CCM2L: variants seen among roughly 807,000 people sequenced by gnomAD.
CCM2L encodes CCM2 like scaffold protein, also known as cerebral cavernous malformations 2 protein-like.
In CCM2L, 36 loss-of-function variants were observed where a neutral mutation model predicts 54.1. That is an observed-to-expected ratio of 0.67 (90% CI 0.51 to 0.88). The LOEUF (loss-of-function observed/expected upper bound fraction) is 0.88. Among genes scored for constraint, CCM2L ranks in the 40% least tolerant of loss-of-function variants. CCM2L has a pLI of 0.00. For missense variants in CCM2L, 700 were observed against 812.1 expected, an observed-to-expected ratio of 0.86 and a Z score of 1.68; for synonymous variants, 351 against 359.3, an observed-to-expected ratio of 0.98 and a Z score of 0.26.
At position 32,031,007 on chromosome 20, in the gene CCM2L, G is replaced by T; in HGVS notation, c.1409G>T (p.Arg470Leu). The T allele has an allele frequency of 7.7e-7, 1 of 1,304,078 alleles. No homozygotes were observed. Among genetic ancestry groups the T allele is most frequent in the Non-Finnish European group, 1.0e-6 (1 of 988,902 alleles). The allele number at this position is 1,304,078 out of a possible 1,614,324, so 80.8% of individuals were successfully genotyped here. ...CATGCCCCTCGGCTCGCAGGGATGCGGCCCTTCATCCCGGACCAGGACATC... is the reference window on the plus strand; with the variant it reads ...CATGCCCCTCGGCTCGCAGGGATGCTGCCCTTCATCCCGGACCAGGACATC... ...DRRKFLLLGM[R>L]PFIPDQDIGY... is the part of the protein sequence containing the mutation. Residue 470 changes from arginine (R) to leucine (L), a missense_variant, in exon 10 of 10, where the codon CGG (arginine) becomes CTG (leucine). Physicochemically the swap from Arg to Leu is moderately radical, Grantham distance 102. Coordinates refer to ENST00000452892, the MANE Select transcript of CCM2L (RefSeq NM_001365692.1).
rs2064682442 is a variant in CCM2L at position 32,010,498 on chromosome 20, T to G, written c.30+14T>G. 8.5e-7 allele frequency: 1 copy of G among 1,170,832 alleles called. No individual in the cohort carries two copies. Among genetic ancestry groups the G allele is most frequent in the African/African-American group, 2.7e-5 (1 of 37,046 alleles). The allele number at this position is 1,170,832 out of a possible 1,614,324, so 72.5% of individuals were successfully genotyped here. A position where few individuals can be genotyped will look rare whatever the true frequency, so the allele number is the denominator to read the frequency against. On this transcript the variant is annotated intron_variant, in intron 1 of 9. Coordinates refer to ENST00000452892, the MANE Select transcript of CCM2L (RefSeq NM_001365692.1). ...AAAGGGAAGAAGGTAGGTGGGAGGT[T>G]GGGAGGGACGAAGGGAGAGGAATGT... is the stretch of plus-strand genomic sequence containing the variant.
At position 32,029,129 on chromosome 20, in the gene CCM2L, G is replaced by C. The variant is rs1433269429; in HGVS notation, c.1263+5G>C. 1 of 1,614,198 alleles carries C rather than the reference G, an allele frequency of 6.2e-7. No individual in the cohort carries two copies. The highest frequency in any genetic ancestry group is 1.1e-5 in the South Asian group (1 of 91,088). On this transcript the variant is annotated splice_donor_5th_base_variant and intron_variant, in intron 8 of 9. Coordinates refer to ENST00000452892, the MANE Select transcript of CCM2L (RefSeq NM_001365692.1). The stretch of plus-strand genomic sequence containing the variant: ...TTACAGGATTACATGGTCACGGTGA[G>C]CTGGGGCCGGTGGTGGGAATGGCAC...
At chr20:32,025,056 C>CT (rs764239452) in intron 6 of CCM2L, among the ~76,000 whole-genome samples, 90 of 150,946 alleles carry the variant, frequency 6.0e-4, no homozygotes, top group African/African-American at 8.3e-4. Flanking sequence ...TCTCTTTCTT[C>CT]TTCTTTCTTT....
rs1273693919 is a variant in CCM2L at position 32,031,226 on chromosome 20, C to T, written c.1628C>T (p.Ala543Val). Residue 543 changes from alanine (A) to valine (V), a missense_variant, in exon 10 of 10, where the codon GCG becomes GTG. Ala to Val is a moderately conservative substitution (Grantham distance 64, BLOSUM62 0). Coordinates refer to ENST00000452892, the MANE Select transcript of CCM2L (RefSeq NM_001365692.1). ...GCTGACATCACGCACGACATCGAGG[C>T]GCTGGCCCCCGATGACGACGACGAC... The part of the protein sequence containing the change: ...LLADITHDIE[A>V]LAPDDDDDDE... 4.5e-5 allele frequency: 58 copies of T among 1,299,826 alleles called. No homozygotes were observed. Among genetic ancestry groups the T allele is most frequent in the Non-Finnish European group, 5.7e-5 (56 of 988,538 alleles). 80.5% of individuals were successfully genotyped at this position (1,299,826 alleles called of 1,614,324 possible). A position where few individuals can be genotyped will look rare whatever the true frequency, so the allele number is the denominator to read the frequency against.
In CCM2L at chr20:32,017,852, A is replaced by T. The variant is rs1177357774; in HGVS notation, c.251A>T (p.Asp84Val). Reference sequence around the variant, plus strand: ...TCCTCACTGAACCCCTCCAGTCGGGACGAGCTCCTGCAGCTGCTAGACACC... The same window carrying T: ...TCCTCACTGAACCCCTCCAGTCGGGTCGAGCTCCTGCAGCTGCTAGACACC... ...VTSSLNPSSR[D>V]ELLQLLDTAR... is the part of the protein sequence containing the mutation. Residue 84 changes from aspartate to valine, a missense_variant, in exon 3 of 10, where the codon GAC becomes GTC. Coordinates refer to ENST00000452892, the MANE Select transcript of CCM2L (RefSeq NM_001365692.1). The T allele has an allele frequency of 6.2e-7, 1 of 1,613,916 alleles. No homozygotes were observed. The highest frequency in any genetic ancestry group is 2.2e-5 in the East Asian group (1 of 44,834).
In CCM2L at chr20:32,018,973, T is replaced by C; in HGVS notation, c.497T>C (p.Val166Ala). ...GGTGTGGACCCGGTGCCGGCCGGCGTGGATGCCAGCCCAGGCGGCGCAGGA... is the reference window on the plus strand; with the variant it reads ...GGTGTGGACCCGGTGCCGGCCGGCGCGGATGCCAGCCCAGGCGGCGCAGGA... ...GLGVDPVPAGVDASPGGAGRD... is the reference protein window; with the variant it reads ...GLGVDPVPAGADASPGGAGRD... Residue 166 changes from valine to alanine, a missense_variant, in exon 5 of 10, where the codon GTG (valine) becomes GCG (alanine). Coordinates refer to ENST00000452892, the MANE Select transcript of CCM2L (RefSeq NM_001365692.1). 7.1e-7 allele frequency: 1 copy of C among 1,403,394 alleles called. No individual in the cohort carries two copies. The highest frequency in any genetic ancestry group is 1.5e-5 in the South Asian group (1 of 66,602). 86.9% of individuals were successfully genotyped at this position (1,403,394 alleles called of 1,614,324 possible). A position where few individuals can be genotyped will look rare whatever the true frequency, so the allele number is the denominator to read the frequency against.
In CCM2L at chr20:32,018,077, G is replaced by A. The variant is rs1212033204; in HGVS notation, c.381G>A (p.Glu127=). The A allele has an allele frequency of 2.7e-5, 44 of 1,613,362 alleles. No homozygotes were observed. The highest frequency in any genetic ancestry group is 3.7e-5 in the Non-Finnish European group (44 of 1,179,948). ...TGCTCACCTGGCGCGACAATGAAGA[G>A]CTCATTCTGCGAATCCCTACGCACG... ...CLLLTWRDNE[E]LILRIPTHEI... The change falls in exon 4 of 10, where the codon GAG becomes GAA. Residue 127 remains glutamate (E), a synonymous_variant. Coordinates refer to ENST00000452892, the MANE Select transcript of CCM2L (RefSeq NM_001365692.1).
intron 7 of CCM2L, chr20:32,027,795 T>C (rs1254299802): frequency 6.6e-6 from 1 of 152,218 alleles, no homozygotes; most frequent in Non-Finnish European, 1.5e-5. Flanking sequence ...GAGTACCTCC[T>C]ATGTGCCAGG....
rs376213814 is a variant in CCM2L at position 32,020,643 on chromosome 20, C to T, written c.933+1234C>T. On this transcript the variant is annotated intron_variant, in intron 5 of 9. Coordinates refer to ENST00000452892, the MANE Select transcript of CCM2L (RefSeq NM_001365692.1). ...CTTGCTGTGGGCCTTGGCTGGCTCT[C>T]ACGCTCTCTCTTTCTCACACACACC... Among the ~76,000 whole-genome samples the T allele has an allele frequency of 1.4e-4, 21 of 152,328 alleles. No individual in the cohort carries two copies. In the South Asian group the frequency reaches 4.3e-3, roughly 32 times the overall value.
chr20:32,031,303 A>C lies in CCM2L; in HGVS notation c.1705A>C (p.Asn569His), dbSNP rs2064924674. 1.6e-6 allele frequency: 2 copies of C among 1,280,878 alleles called. No homozygotes were observed. Among genetic ancestry groups the C allele is most frequent in the South Asian group, 1.2e-5 (1 of 80,636 alleles). The allele number at this position is 1,280,878 out of a possible 1,614,324, so 79.3% of individuals were successfully genotyped here. A position where few individuals can be genotyped will look rare whatever the true frequency, so the allele number is the denominator to read the frequency against. The change falls in exon 10 of 10, where the codon AAC (asparagine) becomes CAC (histidine). Residue 569 changes from asparagine to histidine, a missense_variant. Transcript: ENST00000452892. ...SRGGSDAAED[N>H]YL is the part of the protein sequence containing the mutation. The stretch of plus-strand genomic sequence containing the variant: ...GGGCGGGAGCGACGCCGCAGAAGAC[A>C]ACTACCTGTAGCCACCGCCCCTGCG...
chr20:32,029,044 CCTT>C lies in CCM2L; in HGVS notation c.1187_1189del (p.Ser396del). On this transcript the variant is annotated inframe_deletion, in exon 8 of 10. Coordinates refer to ENST00000452892, the MANE Select transcript of CCM2L (RefSeq NM_001365692.1). Reference sequence around the variant, plus strand: ...AGCATGTTACAGCGGCACGTCCACACCTTCTTTCCATGGCTCCCACTGCAGCGG... The same window carrying C: ...AGCATGTTACAGCGGCACGTCCACACCTTTCCATGGCTCCCACTGCAGCGG... 1.9e-6 allele frequency: 3 copies of C among 1,614,150 alleles called. No homozygotes were observed. Among genetic ancestry groups the C allele is most frequent in the Non-Finnish European group, 2.5e-6 (3 of 1,179,986 alleles).
chr20:32,030,707 C>G (rs1377458183), intron 9 of CCM2L, among the ~76,000 whole-genome samples: 1 of 151,218 alleles, frequency 6.6e-6, no homozygotes, highest in Non-Finnish European at 1.5e-5. Context: ...TGGTGGTGTG[C>G]GCCTGTAATC....
Position 32,018,060 on chromosome 20 carries a change from T to G in CCM2L, c.364T>G (p.Trp122Gly), listed in dbSNP as rs1385480972. ...GTCTGCCCGCTGCCTGCTGCTCACC[T>G]GGCGCGACAATGAAGAGCTCATTCT... ...SLSARCLLLTWRDNEELILRI... is the reference protein window; with the variant it reads ...SLSARCLLLTGRDNEELILRI... Residue 122 changes from tryptophan (W) to glycine (G), a missense_variant, in exon 4 of 10, where the codon TGG (tryptophan) becomes GGG (glycine). By Grantham distance (184) the Trp-to-Gly change is radical (BLOSUM62 -2). Transcript: ENST00000452892. 6.2e-7 allele frequency: 1 copy of G among 1,613,652 alleles called. No individual in the cohort carries two copies. Among genetic ancestry groups the G allele is most frequent in the East Asian group, 2.2e-5 (1 of 44,866 alleles).
chr20:32,014,841 G>A, intron 1 of CCM2L, 63 bp from the exon 2 acceptor site: 1 of 1,443,956 alleles, frequency 6.9e-7, no homozygotes, highest in African/African-American at 1.5e-5. Flanking sequence ...GTAAAAGTGA[G>A]CATAGTAAGA....
rs1408594414 is a variant in CCM2L at position 32,022,733 on chromosome 20, G to A, written c.1007G>A (p.Cys336Tyr). 1 of 1,613,924 alleles carries A rather than the reference G, an allele frequency of 6.2e-7. No homozygotes were observed. Among genetic ancestry groups the A allele is most frequent in the Non-Finnish European group, 8.5e-7 (1 of 1,180,042 alleles). ...ATCTACGGGGACCAGAGTATTGAGTGTGTGGACCGGGCTGGCTACCACTAC... is the reference window on the plus strand; with the variant it reads ...ATCTACGGGGACCAGAGTATTGAGTATGTGGACCGGGCTGGCTACCACTAC... Reference protein sequence around the residue: ...QIIYGDQSIECVDRAGYHYTS... With the variant: ...QIIYGDQSIEYVDRAGYHYTS... The change falls in exon 6 of 10, where the codon TGT (cysteine) becomes TAT (tyrosine). Residue 336 changes from cysteine (C) to tyrosine (Y), a missense_variant. Physicochemically the swap from Cys to Tyr is radical, Grantham distance 194. Coordinates refer to ENST00000452892, the MANE Select transcript of CCM2L (RefSeq NM_001365692.1).
intron 9 of CCM2L, among the ~76,000 whole-genome samples, chr20:32,030,280 G>A (rs896491773): frequency 6.6e-6 from 1 of 152,168 alleles, no homozygotes; most frequent in African/African-American, 2.4e-5. Context: ...CCAGTTCTGA[G>A]AAGTAGATAC....
At chr20:32,012,486 G>T (rs1183343923) in intron 1 of CCM2L, among the ~76,000 whole-genome samples, 1 of 152,180 alleles carries the variant, frequency 6.6e-6, no homozygotes, top group Admixed American at 6.5e-5. Context: ...GAGTCAGAAA[G>T]AATTTGCAAT....
intron 7 of CCM2L, 116 bp downstream of exon 7, chr20:32,026,035 A>G (rs1240788448): frequency 2.1e-5 from 15 of 709,764 alleles, no homozygotes; most frequent in Non-Finnish European, 3.2e-5. Context: ...GACACTGGGC[A>G]CTAAGAGGGG....
Position 32,029,134 on chromosome 20 carries a change from G to A in CCM2L, c.1263+10G>A, listed in dbSNP as rs1010813169. 1.2e-6 allele frequency: 2 copies of A among 1,614,074 alleles called. No homozygotes were observed. The highest frequency in any genetic ancestry group is 2.2e-5 in the East Asian group (1 of 44,882). On this transcript the variant is annotated intron_variant, in intron 8 of 9. Coordinates refer to ENST00000452892, the MANE Select transcript of CCM2L (RefSeq NM_001365692.1). ...GGATTACATGGTCACGGTGAGCTGG[G>A]GCCGGTGGTGGGAATGGCACAAGCA...
Sources: allele counts gnomAD v4.1 joint callset (sites outside exome capture counted in the v4.1 genomes callset), GRCh38; gene constraint gnomAD v4.1.1; transcripts MANE v1.5; gene names NCBI Gene and HGNC (gene_info 2026-07-23, HGNC 2026-07-21).